Variants in PLXNB1 observed in about 807,000 individuals in gnomAD.
The protein encoded by PLXNB1 is plexin B1, also known as plexin-B1.
Under a neutral mutation model 209.4 loss-of-function variants are expected in PLXNB1, and 106 were observed. The ratio of observed to expected loss-of-function variants is 0.51; its 90% CI spans 0.43 to 0.59. PLXNB1 has a LOEUF of 0.59. Among genes scored for constraint, PLXNB1 ranks in the 20% least tolerant of loss-of-function variants. The pLI, the probability that PLXNB1 is intolerant of heterozygous loss-of-function variation, is 0.00. For synonymous variants in PLXNB1, 1,167 were observed against 1,183.2 expected (o/e 0.99, Z 0.28); for missense variants, 2,357 against 2,853.2 (o/e 0.83, Z 3.96).
chr3:48,419,983 G>T lies in PLXNB1; in HGVS notation c.2303C>A (p.Pro768His), dbSNP rs772885214. 2 of 1,594,728 alleles carry T rather than the reference G, an allele frequency of 1.3e-6. No individual in the cohort carries two copies. The highest frequency in any genetic ancestry group is 3.4e-5 in the Admixed American group (2 of 58,878). Reference sequence around the variant, plus strand: ...AGTGGGGGCAGGGACAGCGGTTCCAGGTCCATTTTGGGGGCTGGGAGGGGA... The same window carrying T: ...AGTGGGGGCAGGGACAGCGGTTCCATGTCCATTTTGGGGGCTGGGAGGGGA... Reference protein sequence around the residue: ...EPSPPSPQNGPGTAVPAPTDF... With the variant: ...EPSPPSPQNGHGTAVPAPTDF... Residue 768 changes from proline (P) to histidine (H), a missense_variant, in exon 11 of 38, where the codon CCT becomes CAT. Coordinates refer to ENST00000296440, the MANE Select transcript of PLXNB1 (RefSeq NM_001130082.3). The surrounding 1 kb of genome is among the most constrained non-coding windows in gnomAD (Gnocchi z 5.7).
chr3:48,415,826 A>G lies in PLXNB1; in HGVS notation c.3618-67T>C. 3.4e-6 allele frequency: 5 copies of G among 1,459,782 alleles called. No homozygotes were observed. The highest frequency in any genetic ancestry group is 1.4e-5 in the African/African-American group (1 of 71,484). The allele number at this position is 1,459,782 out of a possible 1,614,324, so 90.4% of individuals were successfully genotyped here. On this transcript the variant is annotated intron_variant, in intron 18 of 37. Transcript: ENST00000296440. This position sits in a 1 kb window ranked among gnomAD's most constrained non-coding sequence, Gnocchi z 5.0. The stretch of plus-strand genomic sequence containing the variant: ...GAAAACTTGGACCACTCAGGCCCCA[A>G]CTGGCTTCCCTCAAGCGCTGACTGC...
chr3:48,423,591 A>G lies in PLXNB1; in HGVS notation c.1021T>C (p.Tyr341His). 6.2e-7 allele frequency: 1 copy of G among 1,614,210 alleles called. No homozygotes were observed. Among genetic ancestry groups the G allele is most frequent in the Non-Finnish European group, 8.5e-7 (1 of 1,180,040 alleles). ...TCCTCAGCACGACCCTCCCGGGTGT[A>G]GCAGGCATCTCGCGTGCGATTAGCA... is the stretch of plus-strand genomic sequence containing the variant. Reference protein sequence around the residue: ...RLANRTRDACYTREGRAEDGT... With the variant: ...RLANRTRDACHTREGRAEDGT... The change falls in exon 3 of 38, where the codon TAC becomes CAC. Residue 341 changes from tyrosine to histidine, a missense_variant. Tyr to His is a moderately conservative substitution (Grantham distance 83). This residue lies in a region of PLXNB1 where 404 missense variants were observed against 443.6 expected (regional missense o/e 0.91). Transcript: ENST00000296440.
In PLXNB1 at chr3:48,417,843, C is replaced by T. The variant is rs2038200644; in HGVS notation, c.3374+68G>A. On this transcript the variant is annotated intron_variant, in intron 16 of 37. Coordinates refer to ENST00000296440, the MANE Select transcript of PLXNB1 (RefSeq NM_001130082.3). This position sits in a 1 kb window ranked among gnomAD's most constrained non-coding sequence, Gnocchi z 4.4. ...GCAGATGAGCGGTGGGTGGGAGGCC[C>T]CAAGCAGCAACGCCAACCGCGGAGG... is the stretch of plus-strand genomic sequence containing the variant. 19 of 1,512,180 alleles carry T rather than the reference C, an allele frequency of 1.3e-5. No homozygotes were observed. Among genetic ancestry groups the T allele is most frequent in the Non-Finnish European group, 1.1e-5 (12 of 1,111,570 alleles). The allele number at this position is 1,512,180 out of a possible 1,614,324, so 93.7% of individuals were successfully genotyped here.
At chr3:48,423,014 A>G (rs2038636110) in intron 3 of PLXNB1, 67 bp from the exon 4 acceptor site, 3 of 1,438,234 alleles carry the variant, frequency 2.1e-6, no homozygotes, top group Admixed American at 1.8e-5. Context: ...TCGTCCCTGG[A>G]CAACCTCATT....
In PLXNB1 at chr3:48,421,376, T is replaced by G. The variant is rs753991252; in HGVS notation, c.1662A>C (p.Leu554=). Reference sequence around the variant, plus strand: ...ACAGGGGTGGCAGGTCTGGCACTGATAGGAAAACCTGCCAAGAGAGCCAGG... The same window carrying G: ...ACAGGGGTGGCAGGTCTGGCACTGAGAGGAAAACCTGCCAAGAGAGCCAGG... ...ISREETREVF[L]SVPDLPPLWP... is the part of the protein sequence containing the mutation. The change falls in exon 8 of 38, where the codon CTA becomes CTC. Residue 554 remains leucine (L), a synonymous_variant. Transcript: ENST00000296440. 1 of 1,529,684 alleles carries G rather than the reference T, an allele frequency of 6.5e-7. No homozygotes were observed. Among genetic ancestry groups the G allele is most frequent in the Non-Finnish European group, 8.8e-7 (1 of 1,136,474 alleles). 94.8% of individuals were successfully genotyped at this position (1,529,684 alleles called of 1,614,324 possible).
rs2037656183 is a variant in PLXNB1, at chr3:48,411,138, T to A, written c.5248-102A>T. 1.0e-6 allele frequency: 1 copy of A among 953,400 alleles called. No homozygotes were observed. The highest frequency in any genetic ancestry group is 2.6e-5 in the East Asian group (1 of 38,200). 59.1% of individuals were successfully genotyped at this position (953,400 alleles called of 1,614,324 possible). On this transcript the variant is annotated intron_variant, in intron 28 of 37. Transcript: ENST00000296440. The surrounding 1 kb of genome is among the most constrained non-coding windows in gnomAD (Gnocchi z 4.0). ...ACTCATGAGAAACTGCTGCCTCCAA[T>A]CCCCACGCACCACACAATCCCTAAT...
rs1184102633 is a variant in PLXNB1 at position 48,424,471 on chromosome 3, GA to G, written c.140del (p.Leu47ProfsTer12). ...ACAGGAAGTTGGTAGCCCCCAGGTAGAGGGTGCCTGAGGTGGGGTCCCTTGC... is the reference window on the plus strand; with the variant it reads ...ACAGGAAGTTGGTAGCCCCCAGGTAGGGGTGCCTGAGGTGGGGTCCCTTGC... ...HLARDPTSGT[L>X]YLGATNFLFQ... On this transcript the variant is annotated frameshift_variant, in exon 3 of 38. Coordinates refer to ENST00000296440, the MANE Select transcript of PLXNB1 (RefSeq NM_001130082.3). LOFTEE classifies it high-confidence loss of function. The G allele has an allele frequency of 6.2e-7, 1 of 1,600,676 alleles. No homozygotes were observed. The highest frequency in any genetic ancestry group is 1.3e-5 in the African/African-American group (1 of 74,574).
rs1182148881 is a variant in PLXNB1, at chr3:48,405,392, TGCATGTTGG to T, written c.6303+323_6303+331del. On this transcript the variant is annotated intron_variant, in intron 37 of 37. Coordinates refer to ENST00000296440, the MANE Select transcript of PLXNB1 (RefSeq NM_001130082.3). This position sits in a 1 kb window ranked among gnomAD's most constrained non-coding sequence, Gnocchi z 5.0. ...CATGCAGCCAAGCCAGGCCTGCACT[TGCATGTTGG>T]CCGTGCCCAACATGCTGCCAACTCA... Among the ~76,000 whole-genome samples the T allele has an allele frequency of 6.6e-6, 1 of 152,162 alleles. No individual in the cohort carries two copies. Among genetic ancestry groups the T allele is most frequent in the African/African-American group, 2.4e-5 (1 of 41,452 alleles).
At chr3:48,422,607 G>A in intron 4 of PLXNB1, 148 bp from the exon 5 acceptor site, 1 of 1,261,662 alleles carries the variant, frequency 7.9e-7, no homozygotes, top group African/African-American at 1.5e-5. Context: ...CGGGGATGGA[G>A]GAAAGTCACA....
Position 48,416,400 on chromosome 3 carries a change from C to T in PLXNB1, c.3426G>A (p.Ala1142=), listed in dbSNP as rs745420111. 16 of 1,613,116 alleles carry T rather than the reference C, an allele frequency of 9.9e-6. No individual in the cohort carries two copies. Among genetic ancestry groups the T allele is most frequent in the Middle Eastern group, 1.6e-4 (1 of 6,082 alleles). The change falls in exon 17 of 38, where the codon GCG becomes GCA. Residue 1142 remains alanine, a synonymous_variant. Coordinates refer to ENST00000296440, the MANE Select transcript of PLXNB1 (RefSeq NM_001130082.3). The surrounding 1 kb of genome is among the most constrained non-coding windows in gnomAD (Gnocchi z 4.1). ...CACGTCCTCTTCCCGGCACCTCCAC[C>T]GCTGTGGCGCCGGCCACCTCCTCCC... ...ASGEEVAGAT[A]VEVPGRGRGV...
At chr3:48,421,586 C>T (rs2038522539) in intron 7 of PLXNB1, 88 bp downstream of exon 7, 1 of 1,344,734 alleles carries the variant, frequency 7.4e-7, no homozygotes, top group South Asian at 1.4e-5. Flanking sequence ...TGGTATCTGG[C>T]ATGTCCGACA....
Position 48,410,813 on chromosome 3 carries a change from G to A in PLXNB1, c.5416+55C>T, listed in dbSNP as rs1205469678. On this transcript the variant is annotated intron_variant, in intron 29 of 37. Transcript: ENST00000296440. The surrounding 1 kb of genome is among the most constrained non-coding windows in gnomAD (Gnocchi z 6.4). Reference sequence around the variant, plus strand: ...AGTTGTCCCTGCAGAGTTGGTCCGGGGCCAGCCCAGGCCCAACAGTGGCTC... The same window carrying A: ...AGTTGTCCCTGCAGAGTTGGTCCGGAGCCAGCCCAGGCCCAACAGTGGCTC... 2 of 1,537,384 alleles carry A rather than the reference G, an allele frequency of 1.3e-6. No homozygotes were observed. Among genetic ancestry groups the A allele is most frequent in the African/African-American group, 1.4e-5 (1 of 73,286 alleles).
chr3:48,412,373 C>A (rs2037743767), intron 26 of PLXNB1, 69 bp from the exon 27 acceptor site: 11 of 1,610,512 alleles, frequency 6.8e-6, no homozygotes, highest in Non-Finnish European at 8.5e-6. Context: ...TCCTGCAGAC[C>A]CCCCAGCCCG....
Position 48,419,012 on chromosome 3 carries a change from T to C in PLXNB1, c.2860A>G (p.Met954Val). 2 of 1,613,994 alleles carry C rather than the reference T, an allele frequency of 1.2e-6. No homozygotes were observed. The highest frequency in any genetic ancestry group is 1.7e-6 in the Non-Finnish European group (2 of 1,179,980). Residue 954 changes from methionine to valine, a missense_variant, in exon 13 of 38, where the codon ATG becomes GTG. Physicochemically the swap from Met to Val is conservative, Grantham distance 21. Coordinates refer to ENST00000296440, the MANE Select transcript of PLXNB1 (RefSeq NM_001130082.3). The surrounding 1 kb of genome is among the most constrained non-coding windows in gnomAD (Gnocchi z 5.7). ...QDGPGDNECVMELEGLEVVVE... is the reference protein window; with the variant it reads ...QDGPGDNECVVELEGLEVVVE... The stretch of plus-strand genomic sequence containing the variant: ...ACCACCTCGAGGCCCTCCAGCTCCA[T>C]CACACACTCATTGTCTCCTGGGCCA...
rs1326883970 is a variant in PLXNB1 at position 48,415,661 on chromosome 3, C to T, written c.3716G>A (p.Arg1239Gln). 2 of 1,567,434 alleles carry T rather than the reference C, an allele frequency of 1.3e-6. No homozygotes were observed. The highest frequency in any genetic ancestry group is 8.7e-7 in the Non-Finnish European group (1 of 1,155,518). Residue 1239 changes from arginine to glutamine, a missense_variant, in exon 19 of 38, where the codon CGG becomes CAG. Arg to Gln is a conservative substitution (Grantham distance 43, BLOSUM62 1). Coordinates refer to ENST00000296440, the MANE Select transcript of PLXNB1 (RefSeq NM_001130082.3). This position sits in a 1 kb window ranked among gnomAD's most constrained non-coding sequence, Gnocchi z 5.0. ...CTTGAACTGTCCGCGTTGAAGCCTC[C>T]GCTCCGTGGCCCCAAACCACACAGC... ...PVAVWFGATE[R>Q]RLQRGQFKYT...
chr3:48,404,903 T>C (rs889154279), intron 37 of PLXNB1, among the ~76,000 whole-genome samples: 3 of 152,150 alleles, frequency 2.0e-5, no homozygotes, highest in Non-Finnish European at 2.9e-5. Flanking sequence ...CCCAAGTTCC[T>C]GTCTGCCCGG....
intron 21 of PLXNB1, 25 bp downstream of exon 21, chr3:48,414,774 T>C (rs953293653): frequency 1.9e-6 from 3 of 1,607,130 alleles, no homozygotes; most frequent in Non-Finnish European, 2.6e-6. Context: ...CTCGGGGCCC[T>C]GCCAGGTCCA....
chr3:48,408,758 CAAGTCT>C (rs925165568), intron 34 of PLXNB1, among the ~76,000 whole-genome samples: 6 of 152,150 alleles, frequency 3.9e-5, no homozygotes, highest in African/African-American at 1.2e-4. Context: ...TCACCTTCTC[CAAGTCT>C]AAGCTTACCA....
chr3:48,418,451 T>C lies in PLXNB1; in HGVS notation c.3047A>G (p.His1016Arg), dbSNP rs2038246933. Residue 1016 changes from histidine to arginine, a missense_variant and splice_region_variant, in exon 14 of 38, where the codon CAT (histidine) becomes CGT (arginine). By Grantham distance (29) the His-to-Arg change is conservative. Around this residue, in one of 7 missense-constraint regions of PLXNB1, gnomAD observed 743 missense variants for 896.2 expected, o/e 0.83. Coordinates refer to ENST00000296440, the MANE Select transcript of PLXNB1 (RefSeq NM_001130082.3). The surrounding 1 kb of genome is among the most constrained non-coding windows in gnomAD (Gnocchi z 6.6). ...RLRVDSAEGL[H>R]VVLYDCSVGH... Reference sequence around the variant, plus strand: ...CCAGCAGCCCGCAGGTGGCTCACCATGCAGCCCCTCAGCACTGTCCACACG... The same window carrying C: ...CCAGCAGCCCGCAGGTGGCTCACCACGCAGCCCCTCAGCACTGTCCACACG... 5.6e-6 allele frequency: 9 copies of C among 1,613,284 alleles called. No homozygotes were observed. Among genetic ancestry groups the C allele is most frequent in the Non-Finnish European group, 7.6e-6 (9 of 1,179,860 alleles).
Sources: gnomAD v4.1 joint callset for allele counts (sites outside exome capture counted in the v4.1 genomes callset) on GRCh38, gnomAD v4.1.1 for gene constraint, gnomAD v4.1.1 regional missense constraint, Gnocchi (gnomAD v3.1) non-coding constraint, MANE v1.5 for transcripts, NCBI Gene and HGNC (gene_info 2026-07-23, HGNC 2026-07-21) for gene names.